The following CSMD2 variants were observed in gnomAD, a reference collection of about 807,000 sequenced individuals.
CSMD2 encodes the protein CUB and Sushi multiple domains 2.
A neutral mutation model predicts 398.5 loss-of-function variants in CSMD2; 130 were observed. The observed-to-expected ratio is 0.33, with a 90% CI of 0.28 to 0.38. The LOEUF is 0.38. CSMD2 is among the 10% of genes least tolerant of loss of function. CSMD2 has a pLI of 1.00. For missense variants in CSMD2, 3,829 were observed against 4,764.9 expected, an observed-to-expected ratio of 0.80 and a Z score of 5.78; for synonymous variants, 1,828 against 1,908.5, an observed-to-expected ratio of 0.96 and a Z score of 1.10.
At chr1:33,963,122 ACAACAGTGTCTTAAATG>A (rs1645426064) in intron 3 of CSMD2, among the ~76,000 whole-genome samples, 1 of 152,236 alleles carries the variant, frequency 6.6e-6, no homozygotes. Flanking sequence ...CCTGGATCCA[ACAACAGTGTCTTAAATG>A]CAACCCCAGC....
chr1:34,037,329 G>A (rs1239896890), intron 2 of CSMD2, among the ~76,000 whole-genome samples: 1 of 152,108 alleles, frequency 6.6e-6, no homozygotes, highest in Non-Finnish European at 1.5e-5. Context: ...ACTGACTGCA[G>A]CCTTGCTGAC....
intron 46 of CSMD2, 138 bp from the exon 47 acceptor site, chr1:33,583,968 T>C: frequency 1.5e-6 from 1 of 674,066 alleles, no homozygotes; most frequent in Non-Finnish European, 2.5e-6. Flanking sequence ...CCCACATCCA[T>C]CACTGTGCTG....
intron 33 of CSMD2, among the ~76,000 whole-genome samples, chr1:33,625,758 A>G (rs1465437818): frequency 6.6e-6 from 1 of 152,168 alleles, no homozygotes; most frequent in Non-Finnish European, 1.5e-5. Context: ...TCACTCCTGC[A>G]AAGAGAAACA....
intron 4 of CSMD2, among the ~76,000 whole-genome samples, chr1:33,933,049 C>T (rs1644361984): frequency 6.6e-6 from 1 of 152,204 alleles, no homozygotes; most frequent in Non-Finnish European, 1.5e-5. Flanking sequence ...CTGTGAAGCT[C>T]CTGGTTGCTC....
intron 1 of CSMD2, among the ~76,000 whole-genome samples, chr1:34,112,366 C>G (rs1661180472): frequency 6.6e-6 from 1 of 152,224 alleles, no homozygotes; most frequent in Non-Finnish European, 1.5e-5. Flanking sequence ...GTCTTGTCAG[C>G]TGCAGCCCCA....
intron 55 of CSMD2, among the ~76,000 whole-genome samples, chr1:33,555,265 C>T (rs1657850154): frequency 6.6e-6 from 1 of 152,082 alleles, no homozygotes; most frequent in South Asian, 2.1e-4. Flanking sequence ...AGAAGTGGAG[C>T]CTGAAGATGT....
chr1:34,064,276 C>T (rs1266479479), intron 2 of CSMD2, among the ~76,000 whole-genome samples: 2 of 152,216 alleles, frequency 1.3e-5, no homozygotes, highest in Non-Finnish European at 2.9e-5. Flanking sequence ...TCTACTGCAT[C>T]ATCAGGCTGC....
intron 12 of CSMD2, among the ~76,000 whole-genome samples, chr1:33,787,661 C>T (rs1338189860): frequency 6.6e-6 from 1 of 152,170 alleles, no homozygotes; most frequent in Non-Finnish European, 1.5e-5. Context: ...TGTCTGTCCC[C>T]CTTGTGCTGG....
chr1:33,562,601 C>T (rs1445930865), intron 53 of CSMD2, among the ~76,000 whole-genome samples: 4 of 152,204 alleles, frequency 2.6e-5, no homozygotes, highest in African/African-American at 7.2e-5. Context: ...GTTAACTTCA[C>T]GTGTCAGCTT....
At chr1:33,947,999 T>G (rs1451198872) in intron 3 of CSMD2, among the ~76,000 whole-genome samples, 1 of 152,196 alleles carries the variant, frequency 6.6e-6, no homozygotes, top group East Asian at 1.9e-4. Context: ...CCTTCTTTCT[T>G]AGCTGCTGTA....
intron 3 of CSMD2, among the ~76,000 whole-genome samples, chr1:33,967,805 G>A (rs1029859926): frequency 3.3e-5 from 5 of 151,928 alleles, no homozygotes; most frequent in African/African-American, 1.2e-4. Context: ...TCCAGTCTGT[G>A]AAGAAGAACC....
chr1:34,093,272 A>G (rs1658866074), intron 1 of CSMD2, among the ~76,000 whole-genome samples: 1 of 152,206 alleles, frequency 6.6e-6, no homozygotes, highest in African/African-American at 2.4e-5. Flanking sequence ...CGCCATCATC[A>G]AAGACCAAAA....
At chr1:34,099,458 C>G (rs1030260307) in intron 1 of CSMD2, among the ~76,000 whole-genome samples, 1 of 152,234 alleles carries the variant, frequency 6.6e-6, no homozygotes, top group African/African-American at 2.4e-5. Flanking sequence ...GAAATATCAA[C>G]ATTCACCACC....
chr1:33,543,325 T>C lies in CSMD2; in HGVS notation c.9101-429A>G, dbSNP rs111749648. Among the ~76,000 whole-genome samples the C allele has an allele frequency of 7.7e-3, 1,176 of 152,372 alleles. 24 individuals are homozygous for C. The highest frequency in any genetic ancestry group is 0.027 in the African/African-American group (1,117 of 41,594). The stretch of plus-strand genomic sequence containing the variant: ...TGAACCCAGAGATGATTATTTCTGC[T>C]TCTATAATTTATTTGTTACAGAAAC... On this transcript the variant is annotated intron_variant, in intron 57 of 70. Coordinates refer to ENST00000373381, the MANE Select transcript of CSMD2 (RefSeq NM_001281956.2).
intron 28 of CSMD2, among the ~76,000 whole-genome samples, chr1:33,649,628 A>C (rs545965131): frequency 6.6e-6 from 1 of 152,296 alleles, no homozygotes; most frequent in African/African-American, 2.4e-5. Context: ...TGGGTGACAG[A>C]ATGAAACTTT....
rs543375450 is a variant in CSMD2, at chr1:33,577,150, A to C, written c.7576+146T>G. 6.0e-5 allele frequency: 44 copies of C among 730,686 alleles called. 1 individual carries two copies. Among genetic ancestry groups the C allele is most frequent in the Middle Eastern group, 4.0e-4 (1 of 2,506 alleles). 45.3% of individuals were successfully genotyped at this position (730,686 alleles called of 1,614,324 possible). On this transcript the variant is annotated intron_variant, in intron 49 of 70. Coordinates refer to ENST00000373381, the MANE Select transcript of CSMD2 (RefSeq NM_001281956.2). ...TCTCAAAACACTGAGATTGCTACGC[A>C]CTACAGATCTTGTAAATGCTTGTGG...
At chr1:33,549,827 C>A (rs1372503423) in intron 56 of CSMD2, among the ~76,000 whole-genome samples, 1 of 152,088 alleles carries the variant, frequency 6.6e-6, no homozygotes, top group African/African-American at 2.4e-5. Context: ...GGGCTTGGAC[C>A]TGAGCTGATC....
At chr1:33,561,758 G>GA (rs1658568716) in intron 53 of CSMD2, among the ~76,000 whole-genome samples, 1 of 152,146 alleles carries the variant, frequency 6.6e-6, no homozygotes, top group Non-Finnish European at 1.5e-5. Context: ...AGGTCTCAAG[G>GA]GTGAGTAGGG....
intron 12 of CSMD2, among the ~76,000 whole-genome samples, chr1:33,784,283 G>A (rs111816119): frequency 3.3e-5 from 5 of 152,278 alleles, no homozygotes; most frequent in African/African-American, 9.6e-5. Flanking sequence ...AAACCAGGAG[G>A]TGGAGGTGAT....
Sources: gnomAD v4.1 joint callset for allele counts (sites outside exome capture counted in the v4.1 genomes callset) on GRCh38, gnomAD v4.1.1 for gene constraint, MANE v1.5 for transcripts, NCBI Gene and HGNC (gene_info 2026-07-23, HGNC 2026-07-21) for gene names.